VTI1A: variants seen among roughly 807,000 people sequenced by gnomAD.
The protein encoded by VTI1A is vesicle transport through interaction with t-SNAREs 1A.
A neutral mutation model predicts 34.9 loss-of-function variants in VTI1A; 22 were observed. The ratio of observed to expected loss-of-function variants is 0.63; its 90% confidence interval spans 0.45 to 0.90. The LOEUF (loss-of-function observed/expected upper bound fraction) is 0.90. Ranked by LOEUF, VTI1A falls within the 40% of genes least tolerant of loss-of-function variation. The probability of loss-of-function intolerance (pLI) is 0.00; values close to 1 mark genes in which losing one functional copy is unlikely to be tolerated. For synonymous variants in VTI1A, 87 were observed against 97.3 expected (o/e 0.89, Z 0.62); for missense variants, 268 against 275.6 (o/e 0.97, Z 0.20).
intron 3 of VTI1A, among the ~76,000 whole-genome samples, chr10:112,494,985 G>A (rs1848960826): frequency 6.6e-6 from 1 of 152,076 alleles, no homozygotes; most frequent in African/African-American, 2.4e-5. Context: ...AAGAATCGGA[G>A]CTTTTTTTCA....
intron 5 of VTI1A, among the ~76,000 whole-genome samples, chr10:112,559,250 G>A (rs1323902210): frequency 6.6e-6 from 1 of 152,224 alleles, no homozygotes; most frequent in Non-Finnish European, 1.5e-5. Context: ...GATGTGCACT[G>A]ATTCCGTTGT....
In VTI1A at chr10:112,796,127, G is replaced by A. The variant is rs148265760; in HGVS notation, c.561-19163G>A. On this transcript the variant is annotated intron_variant, in intron 7 of 7. Transcript: ENST00000393077. ...TAAAAGCTGTCACGGGGCCACGCGCGGTGGCTGCCCCCTGTAGTCCCAGCA... is the reference window on the plus strand; with the variant it reads ...TAAAAGCTGTCACGGGGCCACGCGCAGTGGCTGCCCCCTGTAGTCCCAGCA... 4.2e-3 allele frequency among the ~76,000 whole-genome samples: 642 copies of A among 152,180 alleles called. 2 individuals are homozygous for A. Among genetic ancestry groups the A allele is most frequent in the Non-Finnish European group, 6.0e-3 (406 of 68,004 alleles).
chr10:112,724,572 G>T (rs1324712719), intron 7 of VTI1A, among the ~76,000 whole-genome samples: 2 of 151,942 alleles, frequency 1.3e-5, no homozygotes, highest in Non-Finnish European at 1.5e-5. Flanking sequence ...CTCTTTCCCC[G>T]TGAATTCCCA....
intron 1 of VTI1A, among the ~76,000 whole-genome samples, chr10:112,458,669 T>C (rs1847627641): frequency 6.6e-6 from 1 of 151,484 alleles, no homozygotes; most frequent in South Asian, 2.1e-4. Flanking sequence ...TTTTTATTTT[T>C]ATTTTTATTT....
At chr10:112,679,494 ATT>A (rs926281237) in intron 7 of VTI1A, among the ~76,000 whole-genome samples, 1 of 147,918 alleles carries the variant, frequency 6.8e-6, no homozygotes. Context: ...AGGTGTCACG[ATT>A]TTTTTTTTTA....
intron 5 of VTI1A, among the ~76,000 whole-genome samples, chr10:112,554,303 A>G (rs1206107904): frequency 1.1e-4 from 16 of 152,238 alleles, no homozygotes; most frequent in Non-Finnish European, 1.5e-5. Flanking sequence ...GAGGAACTTA[A>G]GGAAACTTAA....
intron 5 of VTI1A, among the ~76,000 whole-genome samples, chr10:112,598,936 G>C (rs967579790): frequency 6.6e-6 from 1 of 152,148 alleles, no homozygotes; most frequent in Admixed American, 6.5e-5. Context: ...GTCAATCTGC[G>C]TTATATCTGA....
chr10:112,545,217 C>T (rs1418000860), intron 5 of VTI1A, among the ~76,000 whole-genome samples: 1 of 152,176 alleles, frequency 6.6e-6, no homozygotes, highest in African/African-American at 2.4e-5. Context: ...TAACAATTGG[C>T]GTGTGTTTCC....
Position 112,818,170 on chromosome 10 carries a change from A to G in VTI1A, c.*2787A>G, listed in dbSNP as rs780879526. On this transcript the variant is annotated 3_prime_UTR_variant, in exon 8 of 8. Transcript: ENST00000393077. Reference sequence around the variant, plus strand: ...AGCTTGGTGGGGGGTTTGCTTTGCTACTGCTTCTGAGCCCTGAGCTTCAAA... The same window carrying G: ...AGCTTGGTGGGGGGTTTGCTTTGCTGCTGCTTCTGAGCCCTGAGCTTCAAA... 2 of 233,376 alleles carry G rather than the reference A, an allele frequency of 8.6e-6. No individual in the cohort carries two copies. Among genetic ancestry groups the G allele is most frequent in the Admixed American group, 5.6e-5 (1 of 17,774 alleles). The allele number at this position is 233,376 out of a possible 1,614,324, so 14.5% of individuals were successfully genotyped here.
At chr10:112,507,854 CT>C in intron 3 of VTI1A, among the ~76,000 whole-genome samples, 1 of 152,306 alleles carries the variant, frequency 6.6e-6, no homozygotes. Flanking sequence ...AGAAGTTTGG[CT>C]GGTTTCTTCT....
chr10:112,581,414 G>A (rs909217518), intron 5 of VTI1A, among the ~76,000 whole-genome samples: 1 of 152,110 alleles, frequency 6.6e-6, no homozygotes, highest in Non-Finnish European at 1.5e-5. Flanking sequence ...TGAGTATGTG[G>A]TCTGATTTTT....
chr10:112,635,268 G>A (rs1029629962), intron 5 of VTI1A, among the ~76,000 whole-genome samples: 9 of 152,210 alleles, frequency 5.9e-5, no homozygotes, highest in Non-Finnish European at 1.3e-4. Context: ...AATTTAAGGA[G>A]AAAGATCCCT....
At chr10:112,659,541 A>C (rs1357374443) in intron 5 of VTI1A, among the ~76,000 whole-genome samples, 1 of 152,196 alleles carries the variant, frequency 6.6e-6, no homozygotes, top group African/African-American at 2.4e-5. Flanking sequence ...CAAACCAGGT[A>C]ACTAAGGGGA....
Position 112,818,674 on chromosome 10 carries a change from A to G in VTI1A, c.*3291A>G, listed in dbSNP as rs1185047184. 2 of 210,974 alleles carry G rather than the reference A, an allele frequency of 9.5e-6. No homozygotes were observed. The highest frequency in any genetic ancestry group is 1.9e-5 in the Non-Finnish European group (2 of 103,724). The allele number at this position is 210,974 out of a possible 1,614,324, so 13.1% of individuals were successfully genotyped here. A position where few individuals can be genotyped will look rare whatever the true frequency, so the allele number is the denominator to read the frequency against. ...ACTTGGCGCCTGTTTAGACGTTTTTATTTTCTTTCATTATTAGTCCCCACC... is the reference window on the plus strand; with the variant it reads ...ACTTGGCGCCTGTTTAGACGTTTTTGTTTTCTTTCATTATTAGTCCCCACC... On this transcript the variant is annotated 3_prime_UTR_variant, in exon 8 of 8. Transcript: ENST00000393077.
intron 3 of VTI1A, among the ~76,000 whole-genome samples, chr10:112,481,924 T>C (rs1848470725): frequency 1.3e-5 from 2 of 152,202 alleles, no homozygotes; most frequent in South Asian, 4.1e-4. Context: ...ACTAGAGGAT[T>C]TCTTGTATCT....
chr10:112,834,218 C>T, the VTI1A span, among the ~76,000 whole-genome samples: 1 of 152,160 alleles, frequency 6.6e-6, no homozygotes, highest in Non-Finnish European at 1.5e-5. Context: ...CCAGCCTCGA[C>T]CAGCCCACAC....
intron 7 of VTI1A, among the ~76,000 whole-genome samples, chr10:112,715,753 C>T (rs1365781828): frequency 6.6e-6 from 1 of 152,132 alleles, no homozygotes; most frequent in Non-Finnish European, 1.5e-5. Context: ...CTGGGGATGA[C>T]CTACTTCAAG....
chr10:112,799,517 A>T (rs953242925), intron 7 of VTI1A, among the ~76,000 whole-genome samples: 4 of 152,196 alleles, frequency 2.6e-5, no homozygotes, highest in African/African-American at 9.7e-5. Flanking sequence ...CTGTTCTCCC[A>T]GTCCCTGCCC....
chr10:112,788,418 A>G (rs1289832351), intron 7 of VTI1A, among the ~76,000 whole-genome samples: 2 of 152,132 alleles, frequency 1.3e-5, no homozygotes, highest in East Asian at 1.9e-4. Flanking sequence ...TCCTAAGACT[A>G]TTTGTCTTAA....
Sources: allele counts gnomAD v4.1 joint callset (sites outside exome capture counted in the v4.1 genomes callset), GRCh38; gene constraint gnomAD v4.1.1; transcripts MANE v1.5; gene names NCBI Gene and HGNC (gene_info 2026-07-23, HGNC 2026-07-21).